PDE9A: variants seen among roughly 807,000 people sequenced by gnomAD.
The protein encoded by PDE9A is high affinity cGMP-specific 3',5'-cyclic phosphodiesterase 9A.
A neutral mutation model predicts 87.4 loss-of-function variants in PDE9A; 60 were observed. The ratio of observed to expected loss-of-function variants is 0.69; its 90% CI spans 0.56 to 0.85. The LOEUF (loss-of-function observed/expected upper bound fraction) is 0.85, where lower values mean the gene tolerates loss of function less well. PDE9A is among the 40% of genes least tolerant of loss of function. The pLI is 0.00. For synonymous variants in PDE9A, 272 were observed against 279.4 expected (o/e 0.97, Z 0.27); for missense variants, 665 against 779.0 (o/e 0.85, Z 1.74).
intron 10 of PDE9A, among the ~76,000 whole-genome samples, chr21:42,756,568 G>T (rs2055069294): frequency 7.3e-6 from 1 of 137,692 alleles, no homozygotes; most frequent in Non-Finnish European, 1.6e-5. Context: ...CAGGGCTGTG[G>T]CCCGTGAGCG....
At chr21:42,737,092 A>AGG (rs1013777227) in intron 7 of PDE9A, among the ~76,000 whole-genome samples, 13 of 152,364 alleles carry the variant, frequency 8.5e-5, no homozygotes, top group African/African-American at 2.9e-4. Flanking sequence ...GCCACTGGGT[A>AGG]GGTGCGCGCC....
At chr21:42,670,172 C>T (rs1055867014) in intron 1 of PDE9A, among the ~76,000 whole-genome samples, 11 of 148,110 alleles carry the variant, frequency 7.4e-5, no homozygotes, top group East Asian at 1.9e-4. Flanking sequence ...CACATTCACA[C>T]GCACACATAC....
In PDE9A at chr21:42,774,830, C is replaced by T. The variant is rs372081232; in HGVS notation, c.1769-450C>T. Among the ~76,000 whole-genome samples the T allele has an allele frequency of 1.5e-4, 21 of 139,734 alleles. No individual in the cohort carries two copies. The East Asian group carries it at 3.6e-3, about 24-fold the overall frequency. 91.7% of individuals were successfully genotyped at this position (139,734 alleles called of 152,430 possible). A position where few individuals can be genotyped will look rare whatever the true frequency, so the allele number is the denominator to read the frequency against. On this transcript the variant is annotated intron_variant, in intron 19 of 19. Coordinates refer to ENST00000291539, the MANE Select transcript of PDE9A (RefSeq NM_002606.3). ...CCAGGAGGCGGAGGTTGCAGTGAGC[C>T]GAGATCACGCCACTGCACCCCAACC...
intron 4 of PDE9A, chr21:42,701,313 G>A (rs913902609): frequency 6.6e-6 from 1 of 151,856 alleles, no homozygotes; most frequent in African/African-American, 2.4e-5. Flanking sequence ...CATTTATTAG[G>A]TCTAGTACCT....
At chr21:42,664,599 G>A (rs1266935046) in intron 1 of PDE9A, among the ~76,000 whole-genome samples, 1 of 149,708 alleles carries the variant, frequency 6.7e-6, no homozygotes, top group East Asian at 2.0e-4. Flanking sequence ...TTTCTGGCAG[G>A]AAATTTGTGC....
intron 1 of PDE9A, among the ~76,000 whole-genome samples, chr21:42,670,157 GCACA>G (rs78085817): frequency 2.7e-5 from 4 of 148,186 alleles, no homozygotes; most frequent in Non-Finnish European, 4.5e-5. Flanking sequence ...ACATTCACAC[GCACA>G]CACATTCACA....
intron 8 of PDE9A, among the ~76,000 whole-genome samples, chr21:42,748,555 C>G (rs976768102): frequency 6.6e-6 from 1 of 152,214 alleles, no homozygotes; most frequent in Non-Finnish European, 1.5e-5. Context: ...GAAAATAGCA[C>G]AGGCTCATTG....
At chr21:42,687,765 C>T (rs553350992) in intron 2 of PDE9A, 152 bp from the exon 3 acceptor site, 46 of 624,856 alleles carry the variant, frequency 7.4e-5, no homozygotes, top group East Asian at 1.4e-4. Flanking sequence ...GCCCTGGGGA[C>T]GGCCTCCCAC....
chr21:42,663,141 C>T (rs996887407), intron 1 of PDE9A, among the ~76,000 whole-genome samples: 10 of 151,132 alleles, frequency 6.6e-5, no homozygotes, highest in African/African-American at 2.4e-4. Context: ...CACACATGCA[C>T]ATCACACACC....
chr21:42,731,630 C>T (rs2051760465), intron 4 of PDE9A, 140 bp from the exon 5 acceptor site: 2 of 867,930 alleles, frequency 2.3e-6, no homozygotes, highest in African/African-American at 3.4e-5. Flanking sequence ...CCCGTGCAGA[C>T]CCGCCGTGAG....
intron 7 of PDE9A, among the ~76,000 whole-genome samples, chr21:42,737,243 A>G (rs1169971081): frequency 6.6e-6 from 1 of 152,254 alleles, no homozygotes; most frequent in Non-Finnish European, 1.5e-5. Flanking sequence ...ATATGCACAC[A>G]CACATATAAA....
In PDE9A at chr21:42,671,655, AGATT is replaced by A. The variant is rs2058569704; in HGVS notation, c.70-14530_70-14527del. Among the ~76,000 whole-genome samples, 6 of 152,366 alleles carry A rather than the reference AGATT, an allele frequency of 3.9e-5. No individual in the cohort carries two copies. The South Asian group carries it at 1.2e-3, about 32-fold the overall frequency. On this transcript the variant is annotated intron_variant, in intron 1 of 19. Transcript: ENST00000291539. The stretch of plus-strand genomic sequence containing the variant: ...AGATGGATGGACAGATGATTGATAT[AGATT>A]GATTGACAGATGATTCATAGATAAC...
In PDE9A at chr21:42,721,769, C is replaced by T. The variant is rs568469766; in HGVS notation, c.263-10001C>T. Reference sequence around the variant, plus strand: ...TCGCTGACAGGGAAGCCTTCCAGCCCTTCCTCCAAAGAGCCTTGGCTCTCA... The same window carrying T: ...TCGCTGACAGGGAAGCCTTCCAGCCTTTCCTCCAAAGAGCCTTGGCTCTCA... On this transcript the variant is annotated intron_variant, in intron 4 of 19. Coordinates refer to ENST00000291539, the MANE Select transcript of PDE9A (RefSeq NM_002606.3). Among the ~76,000 whole-genome samples the T allele has an allele frequency of 3.6e-4, 55 of 152,176 alleles. No individual in the cohort carries two copies. In the South Asian group the frequency reaches 0.011, roughly 32 times the overall value.
At chr21:42,770,498 G>A (rs1041834656) in intron 17 of PDE9A, among the ~76,000 whole-genome samples, 5 of 152,172 alleles carry the variant, frequency 3.3e-5, no homozygotes, top group African/African-American at 1.2e-4. Context: ...GCAGGAAGGG[G>A]ACTTTCTGTA....
chr21:42,766,840 G>A (rs902658980), intron 15 of PDE9A, among the ~76,000 whole-genome samples: 39 of 152,316 alleles, frequency 2.6e-4, no homozygotes, highest in Admixed American at 1.8e-3. Flanking sequence ...CCCAGGCCCC[G>A]CCGATGCCTT....
chr21:42,676,685 C>T (rs1287141566), intron 1 of PDE9A, among the ~76,000 whole-genome samples: 2 of 152,218 alleles, frequency 1.3e-5, no homozygotes, highest in African/African-American at 2.4e-5. Context: ...GGGCATCCGA[C>T]TCATCTCTAG....
rs2059924780 is a variant in PDE9A at position 42,692,787 on chromosome 21, C to G, written c.218+4793C>G. ...CCCTGCCTCCCCCTTGGCTTCTCCC[C>G]TCTTCCTCTCCTCCACTCGGTGCCT... On this transcript the variant is annotated intron_variant, in intron 3 of 19. Transcript: ENST00000291539. The surrounding 1 kb of genome is among the most constrained non-coding windows in gnomAD (Gnocchi z 4.3). 6.6e-6 allele frequency among the ~76,000 whole-genome samples: 1 copy of G among 151,944 alleles called. No homozygotes were observed.
At chr21:42,709,764 G>A (rs2049145634) in intron 4 of PDE9A, among the ~76,000 whole-genome samples, 1 of 152,130 alleles carries the variant, frequency 6.6e-6, no homozygotes, top group African/African-American at 2.4e-5. Flanking sequence ...GCTCACTGCA[G>A]CCTCGACCTC....
chr21:42,665,348 CA>C (rs1440112899), intron 1 of PDE9A, among the ~76,000 whole-genome samples: 1 of 152,208 alleles, frequency 6.6e-6, no homozygotes, highest in Non-Finnish European at 1.5e-5. Context: ...CCAGGACACT[CA>C]GGGGGTTGCC....
Sources: allele counts gnomAD v4.1 joint callset (sites outside exome capture counted in the v4.1 genomes callset), GRCh38; gene constraint gnomAD v4.1.1; non-coding constraint Gnocchi (gnomAD v3.1); transcripts MANE v1.5; gene names NCBI Gene and HGNC (gene_info 2026-07-23, HGNC 2026-07-21).